ARHGEF28: variants seen among roughly 807,000 people sequenced by gnomAD.
ARHGEF28 encodes 190 kDa guanine nucleotide exchange factor.
Under a neutral mutation model 206.6 loss-of-function variants are expected in ARHGEF28, and 152 were observed. The ratio of observed to expected loss-of-function variants is 0.74; its 90% CI spans 0.64 to 0.84. ARHGEF28 has a LOEUF of 0.84. ARHGEF28 is among the 40% of genes least tolerant of loss of function. The pLI is 0.00. For synonymous variants in ARHGEF28, 763 were observed against 776.4 expected (o/e 0.98, Z 0.29); for missense variants, 2,028 against 2,073.2 (o/e 0.98, Z 0.42).
chr5:73,821,476 GA>G (rs1182883044), intron 9 of ARHGEF28, among the ~76,000 whole-genome samples: 1 of 152,134 alleles, frequency 6.6e-6, no homozygotes, highest in East Asian at 1.9e-4. Flanking sequence ...TTGAAAGGAA[GA>G]AAATCATTTT....
chr5:73,730,936 T>C (rs1750585440), intron 2 of ARHGEF28, among the ~76,000 whole-genome samples: 1 of 151,982 alleles, frequency 6.6e-6, no homozygotes, highest in Non-Finnish European at 1.5e-5. Flanking sequence ...TGGGACAGTA[T>C]GTACTGAGCT....
At chr5:73,668,980 C>A (rs1010748936) in intron 1 of ARHGEF28, among the ~76,000 whole-genome samples, 16 of 151,518 alleles carry the variant, frequency 1.1e-4, no homozygotes, top group African/African-American at 3.9e-4. Context: ...GTTTTTTTTT[C>A]TCTCGATTCT....
chr5:73,832,177 A>G (rs1320317661), intron 9 of ARHGEF28, among the ~76,000 whole-genome samples, 161 bp from the exon 10 acceptor site: 3 of 152,162 alleles, frequency 2.0e-5, no homozygotes, highest in Admixed American at 6.5e-5. Flanking sequence ...TGAGGTTTGG[A>G]TATAGATGAA....
At chr5:73,670,526 TG>T (rs1746239387) in intron 1 of ARHGEF28, among the ~76,000 whole-genome samples, 1 of 152,232 alleles carries the variant, frequency 6.6e-6, no homozygotes, top group Admixed American at 6.5e-5. Flanking sequence ...AATGCCCTTT[TG>T]CACAGTTGCT....
intron 2 of ARHGEF28, among the ~76,000 whole-genome samples, chr5:73,692,541 T>C (rs1747896907): frequency 6.6e-6 from 1 of 152,210 alleles, no homozygotes; most frequent in East Asian, 1.9e-4. Flanking sequence ...CCCAAGAATG[T>C]TGGTTGCTGC....
At chr5:73,832,871 A>G (rs72772510) in intron 10 of ARHGEF28, among the ~76,000 whole-genome samples, 3,932 of 152,374 alleles carry the variant, frequency 0.026, 87 homozygotes, top group Non-Finnish European at 0.038. Flanking sequence ...TCCCAGCACC[A>G]TAGGAAACTG....
chr5:73,802,964 T>A lies in ARHGEF28; in HGVS notation c.1024+7573T>A, dbSNP rs940915009. Among the ~76,000 whole-genome samples, 5 of 151,118 alleles carry A rather than the reference T, an allele frequency of 3.3e-5. No homozygotes were observed. In the South Asian group the frequency reaches 1.0e-3, roughly 32 times the overall value. On this transcript the variant is annotated intron_variant, in intron 9 of 35. Coordinates refer to ENST00000513042, the MANE Select transcript of ARHGEF28 (RefSeq NM_001177693.2). ...ACTGAGTATCCAGTGGCTAATTCCT[T>A]GGAAGGGACTTTAGGGCAATTAAGA... is the stretch of plus-strand genomic sequence containing the variant.
At chr5:73,886,669 A>T (rs1761319202) in intron 25 of ARHGEF28, among the ~76,000 whole-genome samples, 1 of 152,218 alleles carries the variant, frequency 6.6e-6, no homozygotes, top group South Asian at 2.1e-4. Context: ...AGGACTCATT[A>T]TGTAGCTATC....
intron 25 of ARHGEF28, 26 bp from the exon 26 acceptor site, chr5:73,887,577 A>C: frequency 2.7e-6 from 4 of 1,504,132 alleles, no homozygotes; most frequent in Non-Finnish European, 3.6e-6. Context: ...TGCTTCATTA[A>C]TACTAGTAAT....
intron 30 of ARHGEF28, chr5:73,899,710 C>T (rs1762157512): frequency 6.6e-6 from 1 of 152,238 alleles, no homozygotes; most frequent in Non-Finnish European, 1.5e-5. Flanking sequence ...GGCTCTTCTT[C>T]ATCAGGCTTA....
chr5:73,716,811 A>G (rs1328042753), intron 2 of ARHGEF28, among the ~76,000 whole-genome samples: 1 of 152,178 alleles, frequency 6.6e-6, no homozygotes, highest in Non-Finnish European at 1.5e-5. Context: ...TTATTTAAAA[A>G]TATTTAGTTA....
At chr5:73,804,002 T>G (rs1405986708) in intron 9 of ARHGEF28, among the ~76,000 whole-genome samples, 1 of 149,304 alleles carries the variant, frequency 6.7e-6, no homozygotes, top group Non-Finnish European at 1.5e-5. Context: ...GGAGGATGGC[T>G]TGAGCCCAGG....
chr5:73,674,960 T>C (rs957702783), intron 1 of ARHGEF28, among the ~76,000 whole-genome samples: 11 of 152,184 alleles, frequency 7.2e-5, no homozygotes, highest in Non-Finnish European at 1.3e-4. Flanking sequence ...CTTCGTAATA[T>C]CCTTTATAAT....
At chr5:73,779,041 T>G (rs1022601502) in intron 6 of ARHGEF28, among the ~76,000 whole-genome samples, 3 of 152,206 alleles carry the variant, frequency 2.0e-5, no homozygotes, top group African/African-American at 4.8e-5. Flanking sequence ...CAGTAAAACC[T>G]TGCTGTGGAA....
intron 1 of ARHGEF28, among the ~76,000 whole-genome samples, chr5:73,633,826 G>A (rs1177533088): frequency 6.6e-6 from 1 of 151,806 alleles, no homozygotes; most frequent in Non-Finnish European, 1.5e-5. Context: ...ATCTACCCCC[G>A]TTGGCCTCCC....
At chr5:73,699,499 G>C (rs1012148079) in intron 2 of ARHGEF28, among the ~76,000 whole-genome samples, 2 of 152,172 alleles carry the variant, frequency 1.3e-5, no homozygotes, top group African/African-American at 4.8e-5. Flanking sequence ...ACTTACGGTT[G>C]CCTTTTATAA....
chr5:73,868,046 T>C, intron 19 of ARHGEF28, 26 bp downstream of exon 19: 3 of 1,613,566 alleles, frequency 1.9e-6, no homozygotes, highest in Non-Finnish European at 2.5e-6. Context: ...TTTTTACATA[T>C]TAATGGCTCA....
chr5:73,926,150 AGAAT>A (rs1763789046), intron 35 of ARHGEF28, among the ~76,000 whole-genome samples: 1 of 152,224 alleles, frequency 6.6e-6, no homozygotes, highest in Non-Finnish European at 1.5e-5. Flanking sequence ...TGTTTATTGA[AGAAT>A]GAATGAATAA....
At chr5:73,832,714 G>A (rs1486660163) in intron 10 of ARHGEF28, among the ~76,000 whole-genome samples, 1 of 152,194 alleles carries the variant, frequency 6.6e-6, no homozygotes, top group Non-Finnish European at 1.5e-5. Flanking sequence ...TGGGAAGAGT[G>A]TGAGAGCTCT....
Sources: gnomAD v4.1 joint callset for allele counts (sites outside exome capture counted in the v4.1 genomes callset) on GRCh38, gnomAD v4.1.1 for gene constraint, MANE v1.5 for transcripts, NCBI Gene and HGNC (gene_info 2026-07-23, HGNC 2026-07-21) for gene names.